Variants in ST6GALNAC1 observed in about 807,000 individuals in gnomAD.
ST6GALNAC1 encodes ST6 N-acetylgalactosaminide alpha-2,6-sialyltransferase 1, also known as alpha-N-acetylgalactosaminide alpha-2,6-sialyltransferase 1.
ST6GALNAC1 carries 45 observed loss-of-function variants against 56.8 expected under a neutral mutation model. The ratio of observed to expected loss-of-function variants is 0.79; its 90% confidence interval spans 0.62 to 1.02. The LOEUF is 1.02. Among genes scored for constraint, ST6GALNAC1 ranks in the 50% least tolerant of loss-of-function variants. The pLI is 0.00. For missense variants in ST6GALNAC1, 743 were observed against 754.8 expected (o/e 0.98, Z 0.18); for synonymous variants, 295 against 297.8 (o/e 0.99, Z 0.10).
At position 76,627,176 on chromosome 17, in the gene ST6GALNAC1, G is replaced by A. The variant is rs757941376; in HGVS notation, c.1063C>T (p.Leu355Phe). 1.9e-6 allele frequency: 3 copies of A among 1,603,142 alleles called. No individual in the cohort carries two copies. The East Asian group carries it at 6.7e-5, about 36-fold the overall frequency. The change falls in exon 4 of 9, where the codon CTC becomes TTC. Residue 355 changes from leucine (L) to phenylalanine (F), a missense_variant. Transcript: ENST00000156626. The surrounding 1 kb of genome is among the most constrained non-coding windows in gnomAD (Gnocchi z 4.4). Reference sequence around the variant, plus strand: ...ATGCACCGGAGGCTCCCAGCGGGGAGGCTGGCCAGGAGCAGCTGCTGCTGG... The same window carrying A: ...ATGCACCGGAGGCTCCCAGCGGGGAAGCTGGCCAGGAGCAGCTGCTGCTGG... ...VPQQQLLLAS[L>F]PAGSLRCITC... is the part of the protein sequence containing the mutation.
At chr17:76,624,544 A>G (rs1228266453), downstream of ST6GALNAC1, among the ~76,000 whole-genome samples, 1 of 152,132 alleles carries the variant, frequency 6.6e-6, no homozygotes, top group African/African-American at 2.4e-5. Flanking sequence ...GTGCCTGGCC[A>G]CTTTATTCTG....
At chr17:76,638,386 T>A (rs931630001) in intron 1 of ST6GALNAC1, among the ~76,000 whole-genome samples, 1 of 151,058 alleles carries the variant, frequency 6.6e-6, no homozygotes, top group African/African-American at 2.4e-5. Context: ...TATTTTTTAT[T>A]TTTTTTTTGA....
At position 76,627,441 on chromosome 17, in the gene ST6GALNAC1, A is replaced by C. The variant is rs748372332; in HGVS notation, c.974T>G (p.Phe325Cys). ...GGAGTAGTTGAGCTCCATGAAGCCA[A>C]AGGGTGGTGCAAAGTGTTCCAGGCG... ...WDRLEHFAPP[F>C]GFMELNYSLV... The change falls in exon 3 of 9, where the codon TTT (phenylalanine) becomes TGT (cysteine). Residue 325 changes from phenylalanine to cysteine, a missense_variant. Coordinates refer to ENST00000156626, the MANE Select transcript of ST6GALNAC1 (RefSeq NM_018414.5). The surrounding 1 kb of genome is among the most constrained non-coding windows in gnomAD (Gnocchi z 4.4). 3.1e-6 allele frequency: 5 copies of C among 1,614,070 alleles called. No individual in the cohort carries two copies. The African/African-American group carries it at 6.7e-5, about 22-fold the overall frequency.
chr17:76,630,875 G>A (rs2075885317), intron 1 of ST6GALNAC1, among the ~76,000 whole-genome samples: 1 of 149,576 alleles, frequency 6.7e-6, no homozygotes. Context: ...ACAGGCGTGA[G>A]CCACCGCGCC....
At chr17:76,621,217 T>A, downstream of ST6GALNAC1, among the ~76,000 whole-genome samples, 1 of 127,166 alleles carries the variant, frequency 7.9e-6, no homozygotes. Flanking sequence ...GGAGTCTCAC[T>A]CTGTCACCAG....
At chr17:76,635,555 T>G (rs2075963724) in intron 1 of ST6GALNAC1, among the ~76,000 whole-genome samples, 1 of 152,228 alleles carries the variant, frequency 6.6e-6, no homozygotes, top group Admixed American at 6.5e-5. Context: ...GAGAATTGTT[T>G]GAGCCTGCGA....
rs2075849867 is a variant in ST6GALNAC1 at position 76,628,908 on chromosome 17, C to A, written c.831+104G>T. 4 of 1,082,074 alleles carry A rather than the reference C, an allele frequency of 3.7e-6. No individual in the cohort carries two copies. In the South Asian group the frequency reaches 4.8e-5, roughly 13 times the overall value. The allele number at this position is 1,082,074 out of a possible 1,614,324, so 67.0% of individuals were successfully genotyped here. On this transcript the variant is annotated intron_variant, in intron 2 of 8. Coordinates refer to ENST00000156626, the MANE Select transcript of ST6GALNAC1 (RefSeq NM_018414.5). ...AGCTTGGGGCAGGACAAGACAAAGT[C>A]TAGAAGCAGAGCCCAGGAGGTGAGG...
In ST6GALNAC1 at chr17:76,627,757, T is replaced by C. The variant is rs951899708; in HGVS notation, c.832-174A>G. On this transcript the variant is annotated intron_variant, in intron 2 of 8. Coordinates refer to ENST00000156626, the MANE Select transcript of ST6GALNAC1 (RefSeq NM_018414.5). This position sits in a 1 kb window ranked among gnomAD's most constrained non-coding sequence, Gnocchi z 4.4. ...CTCCCCTTCCCATTGTCTGGGCTCATTGTGGTCCTGAGGGTTCTGGGAAAT... is the reference window on the plus strand; with the variant it reads ...CTCCCCTTCCCATTGTCTGGGCTCACTGTGGTCCTGAGGGTTCTGGGAAAT... Among the ~76,000 whole-genome samples the C allele has an allele frequency of 1.3e-5, 2 of 152,258 alleles. No homozygotes were observed. Among genetic ancestry groups the C allele is most frequent in the East Asian group, 1.9e-4 (1 of 5,172 alleles).
At chr17:76,620,778 T>A (rs764238680), downstream of ST6GALNAC1, among the ~76,000 whole-genome samples, 1 of 151,886 alleles carries the variant, frequency 6.6e-6, no homozygotes, top group Non-Finnish European at 1.5e-5. Context: ...TTTGTAGAGA[T>A]CCTCATCTTC....
In ST6GALNAC1 at chr17:76,635,925, G is replaced by A. The variant is rs183722540; in HGVS notation, c.132-6214C>T. On this transcript the variant is annotated intron_variant, in intron 1 of 8. Transcript: ENST00000156626. ...ATACGTGTGCGAGGCAGTGGTGACA[G>A]CCTAGGGAGGCAGTTCTGCTCGGGG... Among the ~76,000 whole-genome samples, 8 of 152,316 alleles carry A rather than the reference G, an allele frequency of 5.3e-5. No individual in the cohort carries two copies. In the South Asian group the frequency reaches 6.2e-4, roughly 12 times the overall value.
chr17:76,618,012 C>G, the ST6GALNAC1 span, among the ~76,000 whole-genome samples: 1 of 152,352 alleles, frequency 6.6e-6, no homozygotes, highest in South Asian at 2.1e-4. Flanking sequence ...ATCTTCCAGG[C>G]AAGAGTGGCT....
chr17:76,621,186 C>CTTTTTTT (rs775271169), downstream of ST6GALNAC1, among the ~76,000 whole-genome samples: 34 of 110,076 alleles, frequency 3.1e-4, no homozygotes, highest in Admixed American at 4.9e-4. Flanking sequence ...TTCTTTCTTT[C>CTTTTTTT]TTTTTTTTTT....
chr17:76,638,136 C>T (rs1386462441), intron 1 of ST6GALNAC1, among the ~76,000 whole-genome samples: 1 of 135,410 alleles, frequency 7.4e-6, no homozygotes, highest in African/African-American at 2.8e-5. Context: ...TTTAATGGAA[C>T]GCTTTACGAA....
chr17:76,626,546 C>A, intron 5 of ST6GALNAC1, 105 bp downstream of exon 5: 1 of 1,543,860 alleles, frequency 6.5e-7, no homozygotes. Flanking sequence ...GAGCCTGTAC[C>A]AACCACAGAC....
intron 1 of ST6GALNAC1, among the ~76,000 whole-genome samples, chr17:76,636,404 A>T (rs2075973553): frequency 6.6e-6 from 1 of 152,034 alleles, no homozygotes; most frequent in South Asian, 2.1e-4. Flanking sequence ...GGCGGAAATG[A>T]GAGAAGGAGG....
chr17:76,625,710 C>T (rs994079284), intron 8 of ST6GALNAC1, 109 bp downstream of exon 8: 18 of 1,179,960 alleles, frequency 1.5e-5, no homozygotes, highest in Non-Finnish European at 1.8e-5. Context: ...CACCCTCTTT[C>T]CCAGCAGATG....
chr17:76,639,638 A>C (rs944123183), intron 1 of ST6GALNAC1, among the ~76,000 whole-genome samples: 3 of 125,170 alleles, frequency 2.4e-5, no homozygotes, highest in African/African-American at 6.5e-5. Flanking sequence ...TTACATGATA[A>C]ACACACACAC....
chr17:76,621,439 C>T (rs1274066787), downstream of ST6GALNAC1, among the ~76,000 whole-genome samples: 2 of 151,566 alleles, frequency 1.3e-5, no homozygotes, highest in Admixed American at 1.3e-4. Context: ...CCTTGGCCTC[C>T]CAAAGTGCTG....
Position 76,629,010 on chromosome 17 carries a change from A to C in ST6GALNAC1, c.831+2T>G, listed in dbSNP as rs764895266. 2 of 1,522,106 alleles carry C rather than the reference A, an allele frequency of 1.3e-6. No individual in the cohort carries two copies. Among genetic ancestry groups the C allele is most frequent in the Non-Finnish European group, 1.8e-6 (2 of 1,136,758 alleles). 94.3% of individuals were successfully genotyped at this position (1,522,106 alleles called of 1,614,324 possible). A position where few individuals can be genotyped will look rare whatever the true frequency, so the allele number is the denominator to read the frequency against. ...AGGGAAGGCGTGGTGGCAAAAACTC[A>C]CCGTCTGAAGGCCTCCTATTTCGAA... On this transcript the variant is annotated splice_donor_variant, in intron 2 of 8. Transcript: ENST00000156626. LOFTEE classifies it high-confidence loss of function.
Sources: allele counts gnomAD v4.1 joint callset (sites outside exome capture counted in the v4.1 genomes callset), GRCh38; gene constraint gnomAD v4.1.1; non-coding constraint Gnocchi (gnomAD v3.1); transcripts MANE v1.5; gene names NCBI Gene and HGNC (gene_info 2026-07-23, HGNC 2026-07-21).